SLC9A5: variants seen among roughly 807,000 people sequenced by gnomAD.
The protein encoded by SLC9A5 is solute carrier family 9 member A5.
Under a neutral mutation model 91.7 loss-of-function variants are expected in SLC9A5, and 52 were observed. That is an observed-to-expected ratio of 0.57 (90% CI 0.45 to 0.71). The LOEUF (loss-of-function observed/expected upper bound fraction) is 0.71, where lower values mean the gene tolerates loss of function less well. Among genes scored for constraint, SLC9A5 ranks in the 30% least tolerant of loss-of-function variants. The pLI, the probability that SLC9A5 is intolerant of heterozygous loss-of-function variation, is 0.00. For synonymous variants in SLC9A5, 419 were observed against 474.5 expected (o/e 0.88, Z 1.52); for missense variants, 871 against 1,158.9 (o/e 0.75, Z 3.61).
chr16:67,269,730 T>C (rs1050378017), intron 15 of SLC9A5, among the ~76,000 whole-genome samples: 3 of 152,324 alleles, frequency 2.0e-5, no homozygotes, highest in African/African-American at 7.2e-5. Context: ...ACTTTATCGA[T>C]GAACAGATAC....
chr16:67,257,623 T>C lies in SLC9A5; in HGVS notation c.1496+22T>C. Reference sequence around the variant, plus strand: ...ACAGGTGAGGGAGCTGCCCCGAGGCTCCTTCAGCAGCAGCAGCCCCACCAG... The same window carrying C: ...ACAGGTGAGGGAGCTGCCCCGAGGCCCCTTCAGCAGCAGCAGCCCCACCAG... On this transcript the variant is annotated intron_variant, in intron 9 of 15. Coordinates refer to ENST00000299798, the MANE Select transcript of SLC9A5 (RefSeq NM_004594.3). This position sits in a 1 kb window ranked among gnomAD's most constrained non-coding sequence, Gnocchi z 5.1. The C allele has an allele frequency of 1.2e-6, 2 of 1,612,880 alleles. No homozygotes were observed. The highest frequency in any genetic ancestry group is 1.7e-6 in the Non-Finnish European group (2 of 1,179,050).
Position 67,255,862 on chromosome 16 carries a change from G to A in SLC9A5, c.843G>A (p.Leu281=). 6.2e-7 allele frequency: 1 copy of A among 1,613,528 alleles called. No homozygotes were observed. The highest frequency in any genetic ancestry group is 8.5e-7 in the Non-Finnish European group (1 of 1,179,816). The stretch of plus-strand genomic sequence containing the variant: ...AGCGGGTCCGCATCATCGAGCCGCT[G>A]CTGGTCTTCCTCCTCGCCTACGCAG... ...FTKRVRIIEP[L]LVFLLAYAAY... is the part of the protein sequence containing the mutation. The change falls in exon 5 of 16, where the codon CTG becomes CTA. Residue 281 remains leucine (L), a synonymous_variant. Coordinates refer to ENST00000299798, the MANE Select transcript of SLC9A5 (RefSeq NM_004594.3). This position sits in a 1 kb window ranked among gnomAD's most constrained non-coding sequence, Gnocchi z 4.9.
rs776168628 is a variant in SLC9A5, at chr16:67,255,016, A to C, written c.491-5A>C. The C allele has an allele frequency of 3.7e-6, 6 of 1,612,744 alleles. No individual in the cohort carries two copies. On this transcript the variant is annotated splice_polypyrimidine_tract_variant and splice_region_variant and intron_variant, in intron 2 of 15. Transcript: ENST00000299798. The surrounding 1 kb of genome is among the most constrained non-coding windows in gnomAD (Gnocchi z 4.9). The stretch of plus-strand genomic sequence containing the variant: ...CTGGCCTGTCCTACACATGTCCCTT[A>C]ATAGCCCCTAGGGTGCAGGCTGGCT...
chr16:67,259,949 G>T lies in SLC9A5; in HGVS notation c.1842+3G>T. The T allele has an allele frequency of 1.2e-6, 2 of 1,613,636 alleles. No homozygotes were observed. The highest frequency in any genetic ancestry group is 1.1e-5 in the South Asian group (1 of 91,014). On this transcript the variant is annotated splice_donor_region_variant and intron_variant, in intron 12 of 15. Transcript: ENST00000299798. ...GCCTCTACAAGCCGCGCCGTAGGGTGAGAGCAGGCAGGCATCAGGATTTTG... is the reference window on the plus strand; with the variant it reads ...GCCTCTACAAGCCGCGCCGTAGGGTTAGAGCAGGCAGGCATCAGGATTTTG...
rs917349168 is a variant in SLC9A5, at chr16:67,255,722, G to T, written c.734-31G>T. 6.5e-6 allele frequency: 10 copies of T among 1,535,550 alleles called. No individual in the cohort carries two copies. The African/African-American group carries it at 8.2e-5, about 13-fold the overall frequency. On this transcript the variant is annotated intron_variant, in intron 4 of 15. Transcript: ENST00000299798. The surrounding 1 kb of genome is among the most constrained non-coding windows in gnomAD (Gnocchi z 4.9). Reference sequence around the variant, plus strand: ...TCAGCCCGGGTAGGGTCCGGGCCAGGGGTCATGCTGACAACCCACTCCTCC... The same window carrying T: ...TCAGCCCGGGTAGGGTCCGGGCCAGTGGTCATGCTGACAACCCACTCCTCC...
chr16:67,253,641 G>C (rs1204578994), intron 2 of SLC9A5, among the ~76,000 whole-genome samples: 5 of 152,182 alleles, frequency 3.3e-5, no homozygotes. Flanking sequence ...TCCTGTCTTA[G>C]CCTCCTGAGT....
rs999426365 is a variant in SLC9A5 at position 67,270,202 on chromosome 16, T to A, written c.2219-536T>A. On this transcript the variant is annotated intron_variant, in intron 15 of 15. Coordinates refer to ENST00000299798, the MANE Select transcript of SLC9A5 (RefSeq NM_004594.3). This position sits in a 1 kb window ranked among gnomAD's most constrained non-coding sequence, Gnocchi z 4.3. Reference sequence around the variant, plus strand: ...TCTTATTTTTTATTTTTATTTATTTTTTATATAGAGTCTCACTCTTTCACC... The same window carrying A: ...TCTTATTTTTTATTTTTATTTATTTATTATATAGAGTCTCACTCTTTCACC... Among the ~76,000 whole-genome samples the A allele has an allele frequency of 6.6e-5, 10 of 152,176 alleles. No individual in the cohort carries two copies. Among genetic ancestry groups the A allele is most frequent in the African/African-American group, 2.4e-4 (10 of 41,446 alleles).
Position 67,252,693 on chromosome 16 carries a change from T to C in SLC9A5, c.339T>C (p.Pro113=), listed in dbSNP as rs1463406694. 6.2e-7 allele frequency: 1 copy of C among 1,614,234 alleles called. No homozygotes were observed. The highest frequency in any genetic ancestry group is 1.1e-5 in the South Asian group (1 of 91,086). Residue 113 remains proline (P), a synonymous_variant, in exon 2 of 16, where the codon CCT becomes CCC. Coordinates refer to ENST00000299798, the MANE Select transcript of SLC9A5 (RefSeq NM_004594.3). The surrounding 1 kb of genome is among the most constrained non-coding windows in gnomAD (Gnocchi z 4.0). ...GCACCTTCTTCCTCTTCCTGCTGCC[T>C]CCTATTGTGTTGGACTCAGGCTATT... is the stretch of plus-strand genomic sequence containing the variant. ...EPGTFFLFLL[P]PIVLDSGYFM...
chr16:67,251,401 G>GTTTTTT (rs2035111993), intron 1 of SLC9A5, among the ~76,000 whole-genome samples: 1 of 101,314 alleles, frequency 9.9e-6, no homozygotes, highest in Non-Finnish European at 1.9e-5. Context: ...TGAGTAGATT[G>GTTTTTT]TCTTTTTTTT....
At chr16:67,268,014 A>AT (rs925602105) in intron 15 of SLC9A5, among the ~76,000 whole-genome samples, 4 of 151,784 alleles carry the variant, frequency 2.6e-5, no homozygotes, top group Non-Finnish European at 4.4e-5. Context: ...AAATATAAGG[A>AT]TTCTTTTTTT....
rs1337806559 is a variant in SLC9A5 at position 67,258,292 on chromosome 16, A to G, written c.1497-26A>G. 5 of 1,612,124 alleles carry G rather than the reference A, an allele frequency of 3.1e-6. No homozygotes were observed. The highest frequency in any genetic ancestry group is 3.4e-6 in the Non-Finnish European group (4 of 1,179,650). ...TGGCCAGGCCTTGGGAATGGGACTC[A>G]GGGCCGGGCCTGGCATCCTCTGTAG... On this transcript the variant is annotated intron_variant, in intron 9 of 15. Transcript: ENST00000299798. The surrounding 1 kb of genome is among the most constrained non-coding windows in gnomAD (Gnocchi z 4.5).
intron 1 of SLC9A5, among the ~76,000 whole-genome samples, chr16:67,251,016 C>T (rs2035095609): frequency 6.6e-6 from 1 of 152,224 alleles, no homozygotes; most frequent in Non-Finnish European, 1.5e-5. Context: ...GTGTGTCTAA[C>T]ATACTATGTG....
Position 67,259,939 on chromosome 16 carries a change from G to T in SLC9A5, c.1835G>T (p.Arg612Leu), listed in dbSNP as rs760209962. 2 of 1,613,858 alleles carry T rather than the reference G, an allele frequency of 1.2e-6. No individual in the cohort carries two copies. The highest frequency in any genetic ancestry group is 4.5e-5 in the East Asian group (2 of 44,872). Residue 612 changes from arginine to leucine, a missense_variant, in exon 12 of 16, where the codon CGC (arginine) becomes CTC (leucine). Coordinates refer to ENST00000299798, the MANE Select transcript of SLC9A5 (RefSeq NM_004594.3). The part of the protein sequence containing the change: ...HLLCGGLYKP[R>L]RRYKASCSRH... ...CTCTGCGGAGGCCTCTACAAGCCGC[G>T]CCGTAGGGTGAGAGCAGGCAGGCAT...
chr16:67,259,741 G>A (rs1314363030), intron 11 of SLC9A5, 79 bp from the exon 12 acceptor site: 1 of 1,594,432 alleles, frequency 6.3e-7, no homozygotes, highest in Non-Finnish European at 8.6e-7. Flanking sequence ...GGGGAGATTT[G>A]TCAGCACCTT....
intron 15 of SLC9A5, among the ~76,000 whole-genome samples, chr16:67,268,770 ATGG>A (rs2035829091): frequency 7.4e-6 from 1 of 135,072 alleles, no homozygotes; most frequent in Non-Finnish European, 1.6e-5. Context: ...CTCCAGGGGG[ATGG>A]TGGTGGAGTG....
chr16:67,270,977 C>A lies in SLC9A5; in HGVS notation c.2458C>A (p.Arg820=), dbSNP rs373074223. The part of the protein sequence containing the change: ...PILTCLPPHP[R]GTEEPQVPLH... ...TCTGACCTGCCTGCCTCCCCATCCA[C>A]GGGGCACTGAAGAGCCCCAGGTCCC... The change falls in exon 16 of 16, where the codon CGG becomes AGG. Residue 820 remains arginine (R), a synonymous_variant. Coordinates refer to ENST00000299798, the MANE Select transcript of SLC9A5 (RefSeq NM_004594.3). The surrounding 1 kb of genome is among the most constrained non-coding windows in gnomAD (Gnocchi z 4.3). 6.2e-7 allele frequency: 1 copy of A among 1,614,000 alleles called. No homozygotes were observed. The highest frequency in any genetic ancestry group is 1.1e-5 in the South Asian group (1 of 91,070).
In SLC9A5 at chr16:67,270,776, C is replaced by A; in HGVS notation, c.2257C>A (p.Pro753Thr). Residue 753 changes from proline (P) to threonine (T), a missense_variant, in exon 16 of 16, where the codon CCC (proline) becomes ACC (threonine). Physicochemically the swap from Pro to Thr is conservative, Grantham distance 38. Transcript: ENST00000299798. This position sits in a 1 kb window ranked among gnomAD's most constrained non-coding sequence, Gnocchi z 4.3. ...GTGCCCAAGCCCACGAATCATTCCC[C>A]CCTCCCCAACCTGTGCAGAAAAGGA... Reference protein sequence around the residue: ...EVCPSPRIIPPSPTCAEKELP... With the variant: ...EVCPSPRIIPTSPTCAEKELP... The A allele has an allele frequency of 6.2e-7, 1 of 1,613,028 alleles. No individual in the cohort carries two copies. Among genetic ancestry groups the A allele is most frequent in the Non-Finnish European group, 8.5e-7 (1 of 1,179,304 alleles).
rs1567405648 is a variant in SLC9A5 at position 67,252,176 on chromosome 16, G to A, written c.188-366G>A. On this transcript the variant is annotated intron_variant, in intron 1 of 15. Coordinates refer to ENST00000299798, the MANE Select transcript of SLC9A5 (RefSeq NM_004594.3). This position sits in a 1 kb window ranked among gnomAD's most constrained non-coding sequence, Gnocchi z 4.0. ...CCCAGTCTTAGAAGGTTGGCCAGGC[G>A]CGGTGGCTCACACCTGTAATCCCAG... is the stretch of plus-strand genomic sequence containing the variant. 1.3e-5 allele frequency among the ~76,000 whole-genome samples: 2 copies of A among 152,244 alleles called. No individual in the cohort carries two copies. Among genetic ancestry groups the A allele is most frequent in the South Asian group, 2.1e-4 (1 of 4,812 alleles).
At chr16:67,259,986 G>C (rs750616601) in intron 12 of SLC9A5, 40 bp downstream of exon 12, 1 of 1,602,898 alleles carries the variant, frequency 6.2e-7, no homozygotes, top group African/African-American at 1.3e-5. Flanking sequence ...GGGGGTGGAG[G>C]TGGTCTGAGG....
Sources: gnomAD v4.1 joint callset for allele counts (sites outside exome capture counted in the v4.1 genomes callset) on GRCh38, gnomAD v4.1.1 for gene constraint, Gnocchi (gnomAD v3.1) non-coding constraint, MANE v1.5 for transcripts, NCBI Gene and HGNC (gene_info 2026-07-23, HGNC 2026-07-21) for gene names.